GRM8: variants seen among roughly 807,000 people sequenced by gnomAD.
GRM8 encodes the protein metabotropic glutamate receptor 8.
In GRM8, 47 loss-of-function variants were observed where a neutral mutation model predicts 87.2. That is an observed-to-expected ratio of 0.54 (90% CI 0.43 to 0.69). The LOEUF (loss-of-function observed/expected upper bound fraction) is 0.69, where lower values mean the gene tolerates loss of function less well. GRM8 is among the 30% of genes least tolerant of loss of function. The pLI is 0.00. For synonymous variants in GRM8, 396 were observed against 404.5 expected (o/e 0.98, Z 0.25); for missense variants, 1,019 against 1,139.2 (o/e 0.89, Z 1.52).
At chr7:126,786,532 G>A (rs1184357316) in intron 6 of GRM8, among the ~76,000 whole-genome samples, 2 of 152,084 alleles carry the variant, frequency 1.3e-5, no homozygotes, top group Non-Finnish European at 2.9e-5. Context: ...AAAAATGTGA[G>A]TGTCCTCTAT....
In GRM8 at chr7:127,109,586, T is replaced by G. The variant is rs532265513; in HGVS notation, c.511-2874A>C. Among the ~76,000 whole-genome samples, 3 of 152,194 alleles carry G rather than the reference T, an allele frequency of 2.0e-5. No individual in the cohort carries two copies. The South Asian group carries it at 6.2e-4, about 32-fold the overall frequency. ...AAAAGTCACCTCCATCTGGGGACAG[T>G]TCACTAACTCCATCAGGCAGAGCTG... On this transcript the variant is annotated intron_variant, in intron 2 of 10. Coordinates refer to ENST00000339582, the MANE Select transcript of GRM8 (RefSeq NM_000845.3).
At chr7:126,635,648 C>T (rs1245289282) in intron 7 of GRM8, among the ~76,000 whole-genome samples, 2 of 152,132 alleles carry the variant, frequency 1.3e-5, no homozygotes, top group East Asian at 3.9e-4. Context: ...AACTACCTCT[C>T]CCTAAGAACT....
chr7:126,800,287 A>C (rs1411985846), intron 6 of GRM8, among the ~76,000 whole-genome samples: 2 of 152,068 alleles, frequency 1.3e-5, no homozygotes, highest in African/African-American at 4.8e-5. Context: ...TCATTCATCA[A>C]AGTGTCCTTC....
rs13234319 is a variant in GRM8 at position 126,560,235 on chromosome 7, G to T, written c.1495-26348C>A. On this transcript the variant is annotated intron_variant, in intron 8 of 10. Coordinates refer to ENST00000339582, the MANE Select transcript of GRM8 (RefSeq NM_000845.3). Reference sequence around the variant, plus strand: ...AATATAAGTCACTGATTTTTTAACCGGAAGTCAGGTTAGCAGCAAGATTTC... The same window carrying T: ...AATATAAGTCACTGATTTTTTAACCTGAAGTCAGGTTAGCAGCAAGATTTC... 3.4e-4 allele frequency among the ~76,000 whole-genome samples: 52 copies of T among 151,992 alleles called. 1 individual carries two copies. The East Asian group carries it at 9.5e-3, about 28-fold the overall frequency.
chr7:126,816,461 T>A (rs942896030), intron 6 of GRM8, among the ~76,000 whole-genome samples: 1 of 152,096 alleles, frequency 6.6e-6, no homozygotes, highest in African/African-American at 2.4e-5. Context: ...CTAGCAAGTG[T>A]ACCCATAATG....
intron 9 of GRM8, among the ~76,000 whole-genome samples, chr7:126,498,427 G>C (rs1343220535): frequency 6.6e-6 from 1 of 151,890 alleles, no homozygotes. Flanking sequence ...GACCATTAGT[G>C]GGGGCCTCAG....
chr7:127,032,461 G>A (rs1456922477), intron 3 of GRM8, among the ~76,000 whole-genome samples: 1 of 151,998 alleles, frequency 6.6e-6, no homozygotes, highest in South Asian at 2.1e-4. Context: ...ACACTCCTGG[G>A]ACACTCAAAT....
intron 8 of GRM8, among the ~76,000 whole-genome samples, chr7:126,600,750 G>A (rs778956412): frequency 1.3e-5 from 2 of 152,000 alleles, no homozygotes; most frequent in Non-Finnish European, 2.9e-5. Context: ...AAATCATATT[G>A]TTATCTTTTA....
At chr7:127,087,033 C>T (rs1226103770) in intron 3 of GRM8, among the ~76,000 whole-genome samples, 1 of 152,202 alleles carries the variant, frequency 6.6e-6, no homozygotes, top group Non-Finnish European at 1.5e-5. Context: ...AAGGAGAGCA[C>T]CTCCAGTTAA....
chr7:126,973,422 A>G lies in GRM8; in HGVS notation c.728-68739T>C, dbSNP rs538400260. Among the ~76,000 whole-genome samples the G allele has an allele frequency of 8.5e-5, 13 of 152,316 alleles. No individual in the cohort carries two copies. In the East Asian group the frequency reaches 2.3e-3, roughly 27 times the overall value. On this transcript the variant is annotated intron_variant, in intron 3 of 10. Transcript: ENST00000339582. ...TCTCCAAGCCTGTATCTTAATCCATATAGTAGGGATAATAACATCTATCCA... is the reference window on the plus strand; with the variant it reads ...TCTCCAAGCCTGTATCTTAATCCATGTAGTAGGGATAATAACATCTATCCA...
At chr7:126,776,823 C>T (rs1288579924) in intron 6 of GRM8, among the ~76,000 whole-genome samples, 1 of 152,164 alleles carries the variant, frequency 6.6e-6, no homozygotes, top group African/African-American at 2.4e-5. Flanking sequence ...GATGCTCTGT[C>T]AGGGCCCCTC....
intron 7 of GRM8, among the ~76,000 whole-genome samples, chr7:126,635,231 A>C (rs1178265055): frequency 1.2e-5 from 1 of 84,768 alleles, no homozygotes; most frequent in Non-Finnish European, 2.9e-5. Flanking sequence ...CATTGATTTG[A>C]TCAAGAGTAT....
rs368909700 is a variant in GRM8 at position 126,698,809 on chromosome 7, CA to C, written c.1357+71055del. On this transcript the variant is annotated intron_variant, in intron 7 of 10. Coordinates refer to ENST00000339582, the MANE Select transcript of GRM8 (RefSeq NM_000845.3). ...TGGGGTGCCTGGAATATTAACAAGC[CA>C]AAAAAATACTTACTTTATTATTAAT... Among the ~76,000 whole-genome samples, 3 of 151,684 alleles carry C rather than the reference CA, an allele frequency of 2.0e-5. No individual in the cohort carries two copies. The East Asian group carries it at 5.8e-4, about 29-fold the overall frequency.
chr7:126,545,832 G>A (rs928057487), intron 8 of GRM8, among the ~76,000 whole-genome samples: 1 of 152,082 alleles, frequency 6.6e-6, no homozygotes, highest in African/African-American at 2.4e-5. Flanking sequence ...ATTTAATTAT[G>A]TACATTTCTT....
intron 3 of GRM8, among the ~76,000 whole-genome samples, chr7:127,057,776 TTA>T (rs1820148464): frequency 6.6e-6 from 1 of 152,082 alleles, no homozygotes; most frequent in East Asian, 1.9e-4. Context: ...CATTGTGAAA[TTA>T]TGTTTAAATT....
At chr7:127,114,570 C>A (rs1826586097) in intron 2 of GRM8, among the ~76,000 whole-genome samples, 1 of 152,180 alleles carries the variant, frequency 6.6e-6, no homozygotes, top group South Asian at 2.1e-4. Context: ...GAGCACATAA[C>A]AAAGTCAACC....
chr7:127,162,940 C>T (rs1223792181), intron 2 of GRM8, among the ~76,000 whole-genome samples: 1 of 152,144 alleles, frequency 6.6e-6, no homozygotes, highest in Non-Finnish European at 1.5e-5. Flanking sequence ...TACTCCTTAT[C>T]ACTGTTCACA....
chr7:126,892,939 T>C (rs1801197966), intron 6 of GRM8, among the ~76,000 whole-genome samples: 1 of 152,082 alleles, frequency 6.6e-6, no homozygotes, highest in South Asian at 2.1e-4. Flanking sequence ...TGTCTTCTTT[T>C]GAGAAGTGTC....
intron 6 of GRM8, among the ~76,000 whole-genome samples, chr7:126,867,341 A>C (rs1041949261): frequency 6.6e-6 from 1 of 152,188 alleles, no homozygotes; most frequent in African/African-American, 2.4e-5. Flanking sequence ...GCCTTGTTCC[A>C]AACATTCGCT....
Sources: allele counts gnomAD v4.1 joint callset (sites outside exome capture counted in the v4.1 genomes callset), GRCh38; gene constraint gnomAD v4.1.1; transcripts MANE v1.5; gene names NCBI Gene and HGNC (gene_info 2026-07-23, HGNC 2026-07-21).